Variants in TBC1D22A observed in about 807,000 individuals in gnomAD.
TBC1D22A encodes TBC1 domain family member 22A.
TBC1D22A carries 38 observed loss-of-function variants against 60.2 expected under a neutral mutation model. The observed-to-expected ratio is 0.63, with a 90% CI of 0.49 to 0.83. The LOEUF (loss-of-function observed/expected upper bound fraction) is 0.83, where lower values mean the gene tolerates loss of function less well. Among genes scored for constraint, TBC1D22A ranks in the 40% least tolerant of loss-of-function variants. The pLI is 0.00. For missense variants in TBC1D22A, 628 were observed against 701.0 expected (o/e 0.90, Z 1.18); for synonymous variants, 302 against 281.7 (o/e 1.07, Z -0.72).
At chr22:46,861,885 A>G (rs1435769656) in intron 4 of TBC1D22A, among the ~76,000 whole-genome samples, 6 of 152,148 alleles carry the variant, frequency 3.9e-5, no homozygotes, top group African/African-American at 1.4e-4. Context: ...TAAGGATCCC[A>G]TGAGAACATG....
chr22:46,779,522 G>T (rs532190967), intron 1 of TBC1D22A, among the ~76,000 whole-genome samples: 17 of 152,282 alleles, frequency 1.1e-4, no homozygotes, highest in African/African-American at 4.1e-4. Context: ...GCCTCCCAAA[G>T]AGCTGGAATT....
intron 11 of TBC1D22A, among the ~76,000 whole-genome samples, chr22:47,070,925 A>G (rs1025746067): frequency 2.0e-5 from 3 of 150,354 alleles, no homozygotes; most frequent in African/African-American, 7.4e-5. Flanking sequence ...GTTGGAGCGG[A>G]GCTGACCTGA....
At chr22:47,035,757 G>A (rs541187577) in intron 10 of TBC1D22A, among the ~76,000 whole-genome samples, 3 of 152,290 alleles carry the variant, frequency 2.0e-5, no homozygotes, top group African/African-American at 4.8e-5. Flanking sequence ...GAGCCTGCTT[G>A]GAAACCAGCC....
chr22:47,003,564 C>T lies in TBC1D22A; in HGVS notation c.1201+5855C>T, dbSNP rs1300749197. On this transcript the variant is annotated intron_variant, in intron 10 of 12. Transcript: ENST00000337137. ...CACATGCCTGTATACACACACCCTA[C>T]GCACACATGCCTGTATACACACACC... Among the ~76,000 whole-genome samples the T allele has an allele frequency of 3.4e-5, 5 of 145,386 alleles. No homozygotes were observed. In the East Asian group the frequency reaches 6.1e-4, roughly 18 times the overall value.
At chr22:47,168,974 A>G (rs945320916) in intron 12 of TBC1D22A, among the ~76,000 whole-genome samples, 7 of 151,766 alleles carry the variant, frequency 4.6e-5, no homozygotes, top group Admixed American at 2.0e-4. Flanking sequence ...GCTCTTCGGC[A>G]TCGGGAGCCT....
chr22:47,132,990 C>G (rs935241018), intron 12 of TBC1D22A, among the ~76,000 whole-genome samples: 1 of 152,164 alleles, frequency 6.6e-6, no homozygotes, highest in Non-Finnish European at 1.5e-5. Context: ...CATGACAGAA[C>G]AGCCACCACC....
intron 8 of TBC1D22A, among the ~76,000 whole-genome samples, chr22:46,928,126 GAAA>G (rs56701535): frequency 6.8e-6 from 1 of 146,330 alleles, no homozygotes; most frequent in Non-Finnish European, 1.5e-5. Flanking sequence ...TAACAGTCTT[GAAA>G]AAAAAAAAAA....
intron 11 of TBC1D22A, among the ~76,000 whole-genome samples, chr22:47,046,254 G>A (rs879621166): frequency 3.3e-5 from 5 of 152,322 alleles, no homozygotes; most frequent in East Asian, 1.9e-4. Context: ...GTCACGGCTC[G>A]GTAGTGGAGT....
rs759900287 is a variant in TBC1D22A, at chr22:46,797,461, G to T, written c.478G>T (p.Ala160Ser). The change falls in exon 4 of 13, where the codon GCC becomes TCC. Residue 160 changes from alanine (A) to serine (S), a missense_variant. Transcript: ENST00000337137. ...SCPAESASDA[A>S]PLQRSQSLPH... The stretch of plus-strand genomic sequence containing the variant: ...CCCTGCAGAAAGTGCCAGCGATGCC[G>T]CCCCTCTGCAGAGGTCCCAGTCTCT... 6.2e-7 allele frequency: 1 copy of T among 1,612,898 alleles called. No individual in the cohort carries two copies. Among genetic ancestry groups the T allele is most frequent in the Admixed American group, 1.7e-5 (1 of 59,996 alleles).
At chr22:46,834,383 A>G (rs2086432280) in intron 4 of TBC1D22A, among the ~76,000 whole-genome samples, 1 of 152,142 alleles carries the variant, frequency 6.6e-6, no homozygotes, top group Non-Finnish European at 1.5e-5. Flanking sequence ...GTTGGAGAAA[A>G]TCACTCAAGA....
In TBC1D22A at chr22:47,175,066, C is replaced by G. The variant is rs1293961303; in HGVS notation, c.*1440C>G. On this transcript the variant is annotated 3_prime_UTR_variant, in exon 13 of 13. Coordinates refer to ENST00000337137, the MANE Select transcript of TBC1D22A (RefSeq NM_014346.5). ...CCCTCAGGAGCAGCCGTGTCCTCTC[C>G]CAGGCCCTAGGACACTGCCAGAGAC... 1 of 152,308 alleles carries G rather than the reference C, an allele frequency of 6.6e-6. No individual in the cohort carries two copies. Among genetic ancestry groups the G allele is most frequent in the East Asian group, 1.9e-4 (1 of 5,190 alleles). The allele number at this position is 152,308 out of a possible 1,614,324, so 9.4% of individuals were successfully genotyped here.
At chr22:47,061,634 G>A (rs149768863) in intron 11 of TBC1D22A, among the ~76,000 whole-genome samples, 227 of 152,214 alleles carry the variant, frequency 1.5e-3, no homozygotes, top group African/African-American at 5.3e-3. Flanking sequence ...TCCAGCATAT[G>A]CCCCTTTTCA....
chr22:47,048,794 C>T (rs555862588), intron 11 of TBC1D22A, among the ~76,000 whole-genome samples: 6 of 152,236 alleles, frequency 3.9e-5, no homozygotes, highest in East Asian at 3.9e-4. Flanking sequence ...CCTGCCGCAC[C>T]GTAATCAGGA....
At chr22:46,851,078 C>T (rs572619474) in intron 4 of TBC1D22A, among the ~76,000 whole-genome samples, 11 of 152,144 alleles carry the variant, frequency 7.2e-5, no homozygotes, top group South Asian at 2.1e-4. Flanking sequence ...TGGTAAGGGT[C>T]GCACAGGTCT....
chr22:47,114,187 C>T (rs536361504), intron 12 of TBC1D22A, among the ~76,000 whole-genome samples: 1 of 151,984 alleles, frequency 6.6e-6, no homozygotes, highest in Non-Finnish European at 1.5e-5. Flanking sequence ...CTGAGCCCGG[C>T]CTACTTAACT....
chr22:46,957,535 C>T (rs2073266578), intron 8 of TBC1D22A, among the ~76,000 whole-genome samples: 2 of 152,194 alleles, frequency 1.3e-5, no homozygotes, highest in Non-Finnish European at 2.9e-5. Flanking sequence ...GGGGAGACTG[C>T]CCCCCGATTC....
At chr22:47,099,813 G>T (rs1046992333) in intron 11 of TBC1D22A, among the ~76,000 whole-genome samples, 4 of 152,172 alleles carry the variant, frequency 2.6e-5, no homozygotes, top group Non-Finnish European at 5.9e-5. Flanking sequence ...CCCATTCTGT[G>T]TTCCACACCA....
At chr22:46,822,478 C>T (rs2085873873) in intron 4 of TBC1D22A, among the ~76,000 whole-genome samples, 1 of 151,956 alleles carries the variant, frequency 6.6e-6, no homozygotes, top group African/African-American at 2.4e-5. Context: ...GTTTGTTTTT[C>T]TTGCAATAGT....
intron 1 of TBC1D22A, among the ~76,000 whole-genome samples, chr22:46,775,324 A>G (rs2083658828): frequency 6.6e-6 from 1 of 152,228 alleles, no homozygotes; most frequent in African/African-American, 2.4e-5. Flanking sequence ...GGGAGTCAAG[A>G]GGAGATCTGG....
Sources: allele counts gnomAD v4.1 joint callset (sites outside exome capture counted in the v4.1 genomes callset), GRCh38; gene constraint gnomAD v4.1.1; transcripts MANE v1.5; gene names NCBI Gene and HGNC (gene_info 2026-07-23, HGNC 2026-07-21).